SUPT5H: variants seen among roughly 807,000 people sequenced by gnomAD.
The protein encoded by SUPT5H is SPT5 homolog, DSIF elongation factor subunit.
A neutral mutation model predicts 142.5 loss-of-function variants in SUPT5H; 24 were observed. The observed-to-expected ratio is 0.17, with a 90% CI of 0.12 to 0.24. The LOEUF (loss-of-function observed/expected upper bound fraction) is 0.24, where lower values mean the gene tolerates loss of function less well. Among genes scored for constraint, SUPT5H ranks in the 10% least tolerant of loss-of-function variants. SUPT5H has a pLI of 1.00. For missense variants in SUPT5H, 893 were observed against 1,471.8 expected (o/e 0.61, Z 6.43); for synonymous variants, 546 against 553.0 (o/e 0.99, Z 0.18).
Position 39,457,974 on chromosome 19 carries a change from C to G in SUPT5H, c.307+234C>G, listed in dbSNP as rs1443864706. The stretch of plus-strand genomic sequence containing the variant: ...TTGTGGGGAGAGGACTCTGGGATCC[C>G]AGGGCCCAGTGAATCCCTTCTGGGG... On this transcript the variant is annotated intron_variant, in intron 4 of 29. Transcript: ENST00000432763. 3 of 837,100 alleles carry G rather than the reference C, an allele frequency of 3.6e-6. No homozygotes were observed. The East Asian group carries it at 8.0e-5, about 22-fold the overall frequency. The allele number at this position is 837,100 out of a possible 1,614,324, so 51.9% of individuals were successfully genotyped here.
In SUPT5H at chr19:39,459,238, C is replaced by G; in HGVS notation, c.513C>G (p.Leu171=). ...ACGACATCACCCAGCAGCAGCTGCTCCCAGGAGTCAAGTAAGGGGGTTGGG... is the reference window on the plus strand; with the variant it reads ...ACGACATCACCCAGCAGCAGCTGCTGCCAGGAGTCAAGTAAGGGGGTTGGG... The part of the protein sequence containing the change: ...LSDDITQQQL[L]PGVKDPNLWT... The change falls in exon 8 of 30, where the codon CTC becomes CTG. Residue 171 remains leucine (L), a synonymous_variant. Coordinates refer to ENST00000432763, the MANE Select transcript of SUPT5H (RefSeq NM_001111020.3). The G allele has an allele frequency of 6.4e-7, 1 of 1,561,860 alleles. No homozygotes were observed. The highest frequency in any genetic ancestry group is 1.2e-5 in the South Asian group (1 of 85,846).
At chr19:39,475,962 C>T in intron 28 of SUPT5H, 119 bp from the exon 29 acceptor site, 1 of 949,624 alleles carries the variant, frequency 1.1e-6, no homozygotes, top group Non-Finnish European at 1.6e-6. Context: ...CTTGGCCTTT[C>T]CTGCCCCCAT....
chr19:39,467,005 G>C (rs891090333), intron 13 of SUPT5H: 1 of 482,416 alleles, frequency 2.1e-6, no homozygotes, highest in Non-Finnish European at 3.7e-6. Context: ...CAAGGAGTTC[G>C]AGACCAGCCT....
At position 39,474,212 on chromosome 19, in the gene SUPT5H, C is replaced by A; in HGVS notation, c.2652-22C>A. ...TCCCCTCCCTCCTCCAACAAATGCC[C>A]CCTTCTCTCCTGTCTCTGCAGGTAC... On this transcript the variant is annotated intron_variant, in intron 26 of 29. Coordinates refer to ENST00000432763, the MANE Select transcript of SUPT5H (RefSeq NM_001111020.3). This position sits in a 1 kb window ranked among gnomAD's most constrained non-coding sequence, Gnocchi z 6.5. The A allele has an allele frequency of 6.2e-7, 1 of 1,613,970 alleles. No homozygotes were observed. Among genetic ancestry groups the A allele is most frequent in the African/African-American group, 1.3e-5 (1 of 75,002 alleles).
chr19:39,459,124 C>G (rs1529733), intron 7 of SUPT5H, 51 bp downstream of exon 7: 1 of 1,610,282 alleles, frequency 6.2e-7, no homozygotes, highest in East Asian at 2.2e-5. Context: ...GGTCCCTAAG[C>G]GGGAAGGGGC....
chr19:39,459,311 C>T (rs1207560625), intron 8 of SUPT5H, 62 bp downstream of exon 8: 52 of 1,534,508 alleles, frequency 3.4e-5, no homozygotes, highest in Admixed American at 3.9e-5. Flanking sequence ...GGTGATGGTG[C>T]CTAGACAGGT....
Position 39,471,258 on chromosome 19 carries a change from G to A in SUPT5H, c.1678-99G>A, listed in dbSNP as rs2079315534. The A allele has an allele frequency of 1.3e-5, 18 of 1,425,754 alleles. No individual in the cohort carries two copies. In the East Asian group the frequency reaches 4.1e-4, roughly 33 times the overall value. The allele number at this position is 1,425,754 out of a possible 1,614,324, so 88.3% of individuals were successfully genotyped here. A position where few individuals can be genotyped will look rare whatever the true frequency, so the allele number is the denominator to read the frequency against. Reference sequence around the variant, plus strand: ...GAGATGCCTTGTGGAGCTTGGGACTGTCTCCCACAAGGAAGGATTATCCCA... The same window carrying A: ...GAGATGCCTTGTGGAGCTTGGGACTATCTCCCACAAGGAAGGATTATCCCA... On this transcript the variant is annotated intron_variant, in intron 18 of 29. Coordinates refer to ENST00000432763, the MANE Select transcript of SUPT5H (RefSeq NM_001111020.3).
At chr19:39,457,099 A>C (rs540338271) in intron 3 of SUPT5H, among the ~76,000 whole-genome samples, 1 of 152,248 alleles carries the variant, frequency 6.6e-6, no homozygotes, top group Non-Finnish European at 1.5e-5. Flanking sequence ...TACATGGACC[A>C]TGGAGCCAGA....
chr19:39,448,562 C>A (rs1292815276), intron 2 of SUPT5H, among the ~76,000 whole-genome samples: 1 of 151,906 alleles, frequency 6.6e-6, no homozygotes, highest in Non-Finnish European at 1.5e-5. Context: ...ATACTTGACC[C>A]CCCACCCCCG....
Position 39,445,951 on chromosome 19 carries a change from G to T in SUPT5H, c.61G>T (p.Gly21Cys). ...EEEDSERSSD[G>C]EEAEVDEERR... is the part of the protein sequence containing the mutation. The stretch of plus-strand genomic sequence containing the variant: ...GGAGGACAGCGAGCGCAGCAGTGAC[G>T]GCGAGGAGGCCGAGGTCTGTGGCTG... Residue 21 changes from glycine (G) to cysteine (C), a missense_variant, in exon 2 of 30, where the codon GGC (glycine) becomes TGC (cysteine). By Grantham distance (159) the Gly-to-Cys change is radical (BLOSUM62 -3). This residue lies in a region of SUPT5H where 70 missense variants were observed against 70.5 expected (regional missense o/e 0.99). Coordinates refer to ENST00000432763, the MANE Select transcript of SUPT5H (RefSeq NM_001111020.3). 1 of 1,613,172 alleles carries T rather than the reference G, an allele frequency of 6.2e-7. No homozygotes were observed. Among genetic ancestry groups the T allele is most frequent in the Non-Finnish European group, 8.5e-7 (1 of 1,179,958 alleles).
chr19:39,464,939 C>G lies in SUPT5H; in HGVS notation c.766C>G (p.Pro256Ala). The G allele has an allele frequency of 6.2e-7, 1 of 1,614,196 alleles. No individual in the cohort carries two copies. The highest frequency in any genetic ancestry group is 8.5e-7 in the Non-Finnish European group (1 of 1,180,040). The change falls in exon 11 of 30, where the codon CCC becomes GCC. Residue 256 changes from proline (P) to alanine (A), a missense_variant. Physicochemically the swap from Pro to Ala is conservative, Grantham distance 27. Coordinates refer to ENST00000432763, the MANE Select transcript of SUPT5H (RefSeq NM_001111020.3). ...RLGYWNQQMV[P>A]IKEMTDVLKV... ...TGGCTACTGGAACCAGCAGATGGTGCCCATCAAGGAGATGACAGACGTGCT... is the reference window on the plus strand; with the variant it reads ...TGGCTACTGGAACCAGCAGATGGTGGCCATCAAGGAGATGACAGACGTGCT...
chr19:39,460,547 G>A (rs2079147510), intron 10 of SUPT5H, among the ~76,000 whole-genome samples: 1 of 152,172 alleles, frequency 6.6e-6, no homozygotes, highest in African/African-American at 2.4e-5. Context: ...AGACCAGCCT[G>A]GCCAACGTGG....
In SUPT5H at chr19:39,458,231, C is replaced by CCCACCA. The variant is rs113169927; in HGVS notation, c.308-24_308-19dup. ...TTGGCTCATACTTTGTCTGCCCTCG[C>CCCACCA]CCACCACCACCACCACCACCACCAC... is the stretch of plus-strand genomic sequence containing the variant. On this transcript the variant is annotated intron_variant, in intron 4 of 29. Transcript: ENST00000432763. This position sits in a 1 kb window ranked among gnomAD's most constrained non-coding sequence, Gnocchi z 4.2. 600 of 1,364,676 alleles carry CCCACCA rather than the reference C, an allele frequency of 4.4e-4. 1 individual carries two copies. The highest frequency in any genetic ancestry group is 3.2e-3 in the East Asian group (131 of 40,830). 84.5% of individuals were successfully genotyped at this position (1,364,676 alleles called of 1,614,324 possible).
chr19:39,466,776 G>A lies in SUPT5H; in HGVS notation c.1037+31G>A. On this transcript the variant is annotated intron_variant, in intron 13 of 29. Transcript: ENST00000432763. This position sits in a 1 kb window ranked among gnomAD's most constrained non-coding sequence, Gnocchi z 4.3. ...TGTCCTTGGGGACTGGCTGGGCTGG[G>A]TCCCCAGGGCCGGTGTGTAGAATGT... 1.2e-6 allele frequency: 2 copies of A among 1,611,050 alleles called. No individual in the cohort carries two copies. The highest frequency in any genetic ancestry group is 1.7e-6 in the Non-Finnish European group (2 of 1,177,202).
At chr19:39,460,541 C>T (rs542527319) in intron 10 of SUPT5H, among the ~76,000 whole-genome samples, 3 of 152,152 alleles carry the variant, frequency 2.0e-5, no homozygotes, top group Admixed American at 6.6e-5. Context: ...AGTTTGAGAC[C>T]AGCCTGGCCA....
In SUPT5H at chr19:39,469,039, G is replaced by C. The variant is rs1338247410; in HGVS notation, c.1144-40G>C. Reference sequence around the variant, plus strand: ...TCAGCTGGGCTGTTGCACTGACCTCGGTCCATTTCCTTCTCTTCCCCTCAC... The same window carrying C: ...TCAGCTGGGCTGTTGCACTGACCTCCGTCCATTTCCTTCTCTTCCCCTCAC... On this transcript the variant is annotated intron_variant, in intron 14 of 29. Coordinates refer to ENST00000432763, the MANE Select transcript of SUPT5H (RefSeq NM_001111020.3). This position sits in a 1 kb window ranked among gnomAD's most constrained non-coding sequence, Gnocchi z 5.1. 15 of 1,611,904 alleles carry C rather than the reference G, an allele frequency of 9.3e-6. No individual in the cohort carries two copies. Among genetic ancestry groups the C allele is most frequent in the Non-Finnish European group, 1.2e-5 (14 of 1,178,834 alleles).
intron 2 of SUPT5H, among the ~76,000 whole-genome samples, 195 bp downstream of exon 2, chr19:39,446,160 G>A (rs1406472794): frequency 6.6e-6 from 1 of 152,178 alleles, no homozygotes; most frequent in Non-Finnish European, 1.5e-5. Context: ...AATGGGTCAG[G>A]TCCAGTGAGA....
At chr19:39,467,907 G>A (rs764185957) in intron 13 of SUPT5H, 2 of 152,096 alleles carry the variant, frequency 1.3e-5, no homozygotes, top group Non-Finnish European at 2.9e-5. Flanking sequence ...CACTGGTTTC[G>A]ACTCACCTGA....
In SUPT5H at chr19:39,445,786, G is replaced by A. The variant is rs965715116; in HGVS notation, c.-87-18G>A. ...AACGAGCCTGCCGGAAGCGCCCTAA[G>A]GGGTTTTCTTCTCCCAGGGAACCAG... On this transcript the variant is annotated intron_variant, in intron 1 of 29. Transcript: ENST00000432763. The A allele has an allele frequency of 7.2e-7, 1 of 1,391,834 alleles. No individual in the cohort carries two copies. Among genetic ancestry groups the A allele is most frequent in the Non-Finnish European group, 9.9e-7 (1 of 1,006,384 alleles). 86.2% of individuals were successfully genotyped at this position (1,391,834 alleles called of 1,614,324 possible). A position where few individuals can be genotyped will look rare whatever the true frequency, so the allele number is the denominator to read the frequency against.
Sources: allele counts gnomAD v4.1 joint callset (sites outside exome capture counted in the v4.1 genomes callset), GRCh38; gene constraint gnomAD v4.1.1; regional missense constraint gnomAD v4.1.1; non-coding constraint Gnocchi (gnomAD v3.1); transcripts MANE v1.5; gene names NCBI Gene and HGNC (gene_info 2026-07-23, HGNC 2026-07-21).